Variants in IL17D observed in about 807,000 individuals in gnomAD.
The protein encoded by IL17D is interleukin-17D.
Under a neutral mutation model 5.7 loss-of-function variants are expected in IL17D, and 10 were observed. The ratio of observed to expected loss-of-function variants is 1.75; its 90% CI spans 1.08 to 2.97. The LOEUF is 2.97. Ranked by LOEUF, IL17D falls within the 30% of genes most tolerant of loss-of-function variation. IL17D has a pLI of 0.00. For synonymous variants in IL17D, 172 were observed against 141.7 expected (o/e 1.21, Z -1.52); for missense variants, 354 against 292.7 (o/e 1.21, Z -1.53).
intron 1 of IL17D, among the ~76,000 whole-genome samples, chr13:20,718,924 ACACACCTGCCCACGCT>A (rs947152340): frequency 3.1e-5 from 4 of 129,178 alleles, no homozygotes; most frequent in Non-Finnish European, 4.9e-5. Context: ...ACACACCAAC[ACACACCTGCCCACGCT>A]CACACCTGCC....
chr13:20,711,364 G>C (rs946804598), intron 1 of IL17D, among the ~76,000 whole-genome samples: 1 of 152,086 alleles, frequency 6.6e-6, no homozygotes, highest in Non-Finnish European at 1.5e-5. Flanking sequence ...GTCGTCCCAC[G>C]CTGGAAGGTG....
chr13:20,715,390 T>A (rs1197298924), intron 1 of IL17D, among the ~76,000 whole-genome samples: 1 of 152,218 alleles, frequency 6.6e-6, no homozygotes, highest in African/African-American at 2.4e-5. Flanking sequence ...AGAGGAAATG[T>A]AGAAGTCCTG....
At position 20,716,803 on chromosome 13, in the gene IL17D, G is replaced by C. The variant is rs1392593309; in HGVS notation, c.291-4833G>C. 6.6e-6 allele frequency among the ~76,000 whole-genome samples: 1 copy of C among 152,210 alleles called. No homozygotes were observed. Among genetic ancestry groups the C allele is most frequent in the Non-Finnish European group, 1.5e-5 (1 of 68,032 alleles). On this transcript the variant is annotated intron_variant, in intron 1 of 1. Coordinates refer to ENST00000682841, the MANE Select transcript of IL17D (RefSeq NM_001385224.1). This position sits in a 1 kb window ranked among gnomAD's most constrained non-coding sequence, Gnocchi z 4.2. ...GGCATTGCCCCCACTTTGTTCCTGGGATGGGGTCTTTCAACTGCTGTGAGA... is the reference window on the plus strand; with the variant it reads ...GGCATTGCCCCCACTTTGTTCCTGGCATGGGGTCTTTCAACTGCTGTGAGA...
At chr13:20,712,445 C>G (rs1368510034) in intron 1 of IL17D, 2 of 152,118 alleles carry the variant, frequency 1.3e-5, no homozygotes, top group African/African-American at 4.8e-5. Flanking sequence ...CAAAATTAGC[C>G]GGGTGTGGTG....
Position 20,721,988 on chromosome 13 carries a change from G to T in IL17D, c.*34G>T, listed in dbSNP as rs772975503. The T allele has an allele frequency of 2.7e-6, 4 of 1,505,726 alleles. No homozygotes were observed. The African/African-American group carries it at 4.2e-5, about 16-fold the overall frequency. 93.3% of individuals were successfully genotyped at this position (1,505,726 alleles called of 1,614,324 possible). ...CTGCCCCGGGAGGTCTCCCCGGCCC[G>T]CATCCCGAGGCGCCCAAGCTGGAGC... is the stretch of plus-strand genomic sequence containing the variant. On this transcript the variant is annotated 3_prime_UTR_variant, in exon 2 of 2. Coordinates refer to ENST00000682841, the MANE Select transcript of IL17D (RefSeq NM_001385224.1).
rs372649390 is a variant in IL17D, at chr13:20,719,894, C to T, written c.291-1742C>T. On this transcript the variant is annotated intron_variant, in intron 1 of 1. Coordinates refer to ENST00000682841, the MANE Select transcript of IL17D (RefSeq NM_001385224.1). Reference sequence around the variant, plus strand: ...CTGGCTTCATGTCACTGCGCCAGGACGGCAGGTGTGGGCCCAGCCAGGACA... The same window carrying T: ...CTGGCTTCATGTCACTGCGCCAGGATGGCAGGTGTGGGCCCAGCCAGGACA... Among the ~76,000 whole-genome samples the T allele has an allele frequency of 1.3e-4, 20 of 152,324 alleles. No individual in the cohort carries two copies. The East Asian group carries it at 2.1e-3, about 16-fold the overall frequency.
intron 1 of IL17D, among the ~76,000 whole-genome samples, chr13:20,708,359 G>A (rs929278604): frequency 2.6e-5 from 4 of 152,212 alleles, no homozygotes; most frequent in Admixed American, 2.0e-4. Flanking sequence ...CGGATGGAAT[G>A]GAGACCTGGG....
At position 20,721,707 on chromosome 13, in the gene IL17D, C is replaced by G. The variant is rs749523667; in HGVS notation, c.362C>G (p.Thr121Ser). The G allele has an allele frequency of 6.2e-7, 1 of 1,611,398 alleles. No individual in the cohort carries two copies. The highest frequency in any genetic ancestry group is 1.7e-5 in the Admixed American group (1 of 59,950). ...EAYCLCRGCLTGLFGEEDVRF... is the reference protein window; with the variant it reads ...EAYCLCRGCLSGLFGEEDVRF... ...TACTGCCTGTGCCGGGGCTGCCTGACCGGGCTGTTCGGCGAGGAGGACGTG... is the reference window on the plus strand; with the variant it reads ...TACTGCCTGTGCCGGGGCTGCCTGAGCGGGCTGTTCGGCGAGGAGGACGTG... The change falls in exon 2 of 2, where the codon ACC (threonine) becomes AGC (serine). Residue 121 changes from threonine to serine, a missense_variant. Coordinates refer to ENST00000682841, the MANE Select transcript of IL17D (RefSeq NM_001385224.1).
intron 1 of IL17D, chr13:20,713,388 G>A (rs2058655705): frequency 6.6e-6 from 1 of 152,140 alleles, no homozygotes; most frequent in African/African-American, 2.4e-5. Context: ...AAATGACCTT[G>A]AACTGGCCAA....
rs933300101 is a variant in IL17D at position 20,722,090 on chromosome 13, T to G, written c.*136T>G. ...AAGTGCCGGAGCACCAGCGCCGCCT[T>G]TCCATGGAGACTCGTAAGCAGCTTC... On this transcript the variant is annotated 3_prime_UTR_variant, in exon 2 of 2. Coordinates refer to ENST00000682841, the MANE Select transcript of IL17D (RefSeq NM_001385224.1). 14 of 682,846 alleles carry G rather than the reference T, an allele frequency of 2.1e-5. No homozygotes were observed. Among genetic ancestry groups the G allele is most frequent in the Non-Finnish European group, 3.3e-5 (14 of 422,894 alleles). 42.3% of individuals were successfully genotyped at this position (682,846 alleles called of 1,614,324 possible).
At chr13:20,704,314 C>A (rs951328698) in intron 1 of IL17D, 23 bp downstream of exon 1, 5 of 383,550 alleles carry the variant, frequency 1.3e-5, no homozygotes, top group Middle Eastern at 1.2e-3. Flanking sequence ...CGCGTCCTGG[C>A]GGGGCCCGGC....
At position 20,704,085 on chromosome 13, in the gene IL17D, G is replaced by T; in HGVS notation, c.84G>T (p.Pro28=). ...GGGCGGGCAGGCGCCCCGCGCGGCC[G>T]CGGGGCTGCGCGGACCGGCCGGAGG... ...APRAGRRPAR[P]RGCADRPEEL... The change falls in exon 1 of 2, where the codon CCG becomes CCT. Residue 28 remains proline (P), a synonymous_variant. Coordinates refer to ENST00000682841, the MANE Select transcript of IL17D (RefSeq NM_001385224.1). 1 of 1,153,424 alleles carries T rather than the reference G, an allele frequency of 8.7e-7. No homozygotes were observed. Among genetic ancestry groups the T allele is most frequent in the East Asian group, 4.8e-5 (1 of 20,830 alleles). 71.4% of individuals were successfully genotyped at this position (1,153,424 alleles called of 1,614,324 possible).
intron 1 of IL17D, among the ~76,000 whole-genome samples, chr13:20,704,653 A>G (rs1016032459): frequency 1.3e-5 from 2 of 152,152 alleles, no homozygotes; most frequent in Non-Finnish European, 2.9e-5. Context: ...TTTACCCTCC[A>G]GTATTTCCTA....
chr13:20,704,181 G>T lies in IL17D; in HGVS notation c.180G>T (p.Leu60=), dbSNP rs113588022. The change falls in exon 1 of 2, where the codon CTG becomes CTT. Residue 60 remains leucine (L), a synonymous_variant. Coordinates refer to ENST00000682841, the MANE Select transcript of IL17D (RefSeq NM_001385224.1). ...VLSAFHHTLQ[L]GPREQARNAS... is the part of the protein sequence containing the mutation. ...GTGCCTTCCACCACACGCTGCAGCT[G>T]GGGCCGCGTGAGCAGGCGCGCAACG... 1,120 of 1,372,770 alleles carry T rather than the reference G, an allele frequency of 8.2e-4. 15 individuals are homozygous for T. In the South Asian group the frequency reaches 0.016, roughly 19 times the overall value. The allele number at this position is 1,372,770 out of a possible 1,614,324, so 85.0% of individuals were successfully genotyped here. A position where few individuals can be genotyped will look rare whatever the true frequency, so the allele number is the denominator to read the frequency against.
chr13:20,715,553 A>G (rs1376558243), intron 1 of IL17D, among the ~76,000 whole-genome samples: 1 of 152,110 alleles, frequency 6.6e-6, no homozygotes, highest in Non-Finnish European at 1.5e-5. Flanking sequence ...GCAGCCAGAA[A>G]TGGGTTTCTG....
intron 1 of IL17D, among the ~76,000 whole-genome samples, chr13:20,719,227 G>A (rs561593110): frequency 1.6e-5 from 2 of 124,082 alleles, no homozygotes; most frequent in Non-Finnish European, 3.3e-5. Flanking sequence ...CACCACACAC[G>A]CCCATGCTTA....
In IL17D at chr13:20,722,876, G is replaced by A. The variant is rs542021502; in HGVS notation, c.*922G>A. The A allele has an allele frequency of 3.3e-5, 5 of 152,296 alleles. No individual in the cohort carries two copies. The highest frequency in any genetic ancestry group is 2.1e-4 in the South Asian group (1 of 4,828). The allele number at this position is 152,296 out of a possible 1,614,324, so 9.4% of individuals were successfully genotyped here. On this transcript the variant is annotated 3_prime_UTR_variant, in exon 2 of 2. Coordinates refer to ENST00000682841, the MANE Select transcript of IL17D (RefSeq NM_001385224.1). ...CCAGTTGTCAGAAGAATCCAAGCAG[G>A]TATTGGCTTAGTTGTAAGGGCTTTA...
Position 20,721,761 on chromosome 13 carries a change from C to G in IL17D, c.416C>G (p.Pro139Arg). 6.2e-7 allele frequency: 1 copy of G among 1,610,020 alleles called. No individual in the cohort carries two copies. The highest frequency in any genetic ancestry group is 8.5e-7 in the Non-Finnish European group (1 of 1,179,752). Residue 139 changes from proline (P) to arginine (R), a missense_variant, in exon 2 of 2, where the codon CCC becomes CGC. Transcript: ENST00000682841. ...TTCCGCAGCGCCCCTGTCTACATGC[C>G]CACCGTCGTCCTGCGCCGCACCCCC... ...VRFRSAPVYM[P>R]TVVLRRTPAC...
chr13:20,705,579 C>A (rs987416848), intron 1 of IL17D, among the ~76,000 whole-genome samples: 2 of 152,164 alleles, frequency 1.3e-5, no homozygotes, highest in Non-Finnish European at 2.9e-5. Flanking sequence ...TGCCTGTGGT[C>A]CCAGCTACTC....
Sources: gnomAD v4.1 joint callset for allele counts (sites outside exome capture counted in the v4.1 genomes callset) on GRCh38, gnomAD v4.1.1 for gene constraint, Gnocchi (gnomAD v3.1) non-coding constraint, MANE v1.5 for transcripts, NCBI Gene and HGNC (gene_info 2026-07-23, HGNC 2026-07-21) for gene names.